Variants in LANCL3 observed in about 807,000 individuals in gnomAD.
LANCL3 encodes the protein lanC-like protein 3.
A neutral mutation model predicts 26.5 loss-of-function variants in LANCL3; 19 were observed. That is an observed-to-expected ratio of 0.72 (90% confidence interval 0.50 to 1.05). The LOEUF (loss-of-function observed/expected upper bound fraction) is 1.05, where lower values mean the gene tolerates loss of function less well. LANCL3 is among the 50% of genes least tolerant of loss of function. The pLI, the probability that LANCL3 is intolerant of heterozygous loss-of-function variation, is 0.00. For synonymous variants in LANCL3, 160 were observed against 166.6 expected, an observed-to-expected ratio of 0.96 and a Z score of 0.30; for missense variants, 318 against 362.7, an observed-to-expected ratio of 0.88 and a Z score of 1.00.
intron 1 of LANCL3, among the ~76,000 whole-genome samples, chrX:37,600,168 TATTG>T (rs1261855349): frequency 8.9e-6 from 1 of 111,999 alleles, no homozygotes; most frequent in Non-Finnish European, 1.9e-5. Context: ...TACAATAAGA[TATTG>T]AGAGAGAGAG....
In LANCL3 at chrX:37,659,457, T is replaced by C. The variant is rs1926362824; in HGVS notation, c.698-5T>C. On this transcript the variant is annotated splice_region_variant and splice_polypyrimidine_tract_variant and intron_variant, in intron 2 of 4. Coordinates refer to ENST00000378619, the MANE Select transcript of LANCL3 (RefSeq NM_001170331.2). ...GTGAATTTTATGCCTTGTTTGTTAA[T>C]ACAGGGGCAGCTCACGGCTTGTCGT... The C allele has an allele frequency of 3.3e-6, 4 of 1,200,785 alleles. No homozygotes were observed. The South Asian group carries it at 5.3e-5, about 16-fold the overall frequency.
intron 1 of LANCL3, among the ~76,000 whole-genome samples, chrX:37,629,372 C>T (rs1250580958): frequency 4.6e-5 from 5 of 108,297 alleles, no homozygotes; most frequent in African/African-American, 1.4e-4. Flanking sequence ...GAGTAGGTTG[C>T]GAAAATTTTC....
chrX:37,643,290 T>C (rs1925912870), intron 1 of LANCL3, among the ~76,000 whole-genome samples: 1 of 112,218 alleles, frequency 8.9e-6, no homozygotes, highest in African/African-American at 3.2e-5. Context: ...CCACAAAAGA[T>C]TTTTTGCCTT....
At chrX:37,666,050 C>A (rs936138907) in intron 3 of LANCL3, among the ~76,000 whole-genome samples, 2 of 112,063 alleles carry the variant, frequency 1.8e-5, no homozygotes, top group Non-Finnish European at 3.8e-5. Context: ...ATTGACTGAA[C>A]AAAGAGCTTG....
At chrX:37,608,016 A>G (rs782649743) in intron 1 of LANCL3, among the ~76,000 whole-genome samples, 1 of 112,264 alleles carries the variant, frequency 8.9e-6, no homozygotes, top group African/African-American at 3.2e-5. Context: ...AAAAAATCTG[A>G]CATGAAAAAA....
chrX:37,633,445 C>T (rs1925598120), intron 1 of LANCL3, among the ~76,000 whole-genome samples: 1 of 112,047 alleles, frequency 8.9e-6, no homozygotes, highest in Non-Finnish European at 1.9e-5. Flanking sequence ...AGTCATTCTC[C>T]ATCCAGCTTT....
At chrX:37,657,535 A>C (rs1450811152) in intron 2 of LANCL3, among the ~76,000 whole-genome samples, 2 of 91,203 alleles carry the variant, frequency 2.2e-5, no homozygotes, top group Non-Finnish European at 4.1e-5. Flanking sequence ...TCAAATTTTT[A>C]TCTTTAATTT....
rs182488331 is a variant in LANCL3, at chrX:37,592,645, C to A, written c.573+20202C>A. Among the ~76,000 whole-genome samples the A allele has an allele frequency of 1.4e-4, 16 of 111,278 alleles. No homozygotes were observed. In the East Asian group the frequency reaches 3.9e-3, roughly 27 times the overall value. On this transcript the variant is annotated intron_variant, in intron 1 of 4. Coordinates refer to ENST00000378619, the MANE Select transcript of LANCL3 (RefSeq NM_001170331.2). ...AAAGATAGCAGAAATAAAAATAATTCAGTGCAAAAATTAGAATATTAAGTT... is the reference window on the plus strand; with the variant it reads ...AAAGATAGCAGAAATAAAAATAATTAAGTGCAAAAATTAGAATATTAAGTT...
intron 1 of LANCL3, among the ~76,000 whole-genome samples, chrX:37,610,526 G>A (rs897449288): frequency 5.4e-5 from 6 of 111,310 alleles, no homozygotes; most frequent in African/African-American, 1.3e-4. Context: ...CCAAAGAGAT[G>A]GCTCAGTGTT....
At chrX:37,675,337 G>A (rs1556436917) in intron 4 of LANCL3, among the ~76,000 whole-genome samples, 1 of 112,143 alleles carries the variant, frequency 8.9e-6, no homozygotes, top group African/African-American at 3.2e-5. Context: ...AATAAAAGTA[G>A]AGCAATTTGT....
chrX:37,667,334 C>A lies in LANCL3; in HGVS notation c.948C>A (p.Tyr316Ter). 1 of 1,175,468 alleles carries A rather than the reference C, an allele frequency of 8.5e-7. No individual in the cohort carries two copies. The highest frequency in any genetic ancestry group is 1.1e-6 in the Non-Finnish European group (1 of 880,455). Residue 316 changes from tyrosine to a stop codon, truncating the protein, a stop_gained, in exon 4 of 5, where the codon TAC (tyrosine) becomes TAA (stop). Coordinates refer to ENST00000378619, the MANE Select transcript of LANCL3 (RefSeq NM_001170331.2). LOFTEE classifies it high-confidence loss of function. The stretch of plus-strand genomic sequence containing the variant: ...ATCTGGTTTCCAAGAAACCGCAGTA[C>A]CTGGACACATGTATTCGGTGTGGGG... ...KAYLVSKKPQ[Y>*]LDTCIRCGEL...
At chrX:37,579,331 G>A (rs1475939643) in intron 1 of LANCL3, among the ~76,000 whole-genome samples, 1 of 111,231 alleles carries the variant, frequency 9.0e-6, no homozygotes, top group Non-Finnish European at 1.9e-5. Context: ...CACCGTATCT[G>A]CCAGGGATAT....
chrX:37,574,244 A>T (rs1187130743), intron 1 of LANCL3, among the ~76,000 whole-genome samples: 9 of 110,520 alleles, frequency 8.1e-5, no homozygotes, highest in Non-Finnish European at 1.7e-4. Context: ...TAGAAGTTTT[A>T]TACCCCATCC....
chrX:37,605,202 T>C (rs1924675071), intron 1 of LANCL3, among the ~76,000 whole-genome samples: 1 of 112,118 alleles, frequency 8.9e-6, no homozygotes, highest in South Asian at 3.8e-4. Flanking sequence ...AAACTGCAGA[T>C]TGAGGCCACA....
At chrX:37,587,573 G>A (rs782112540) in intron 1 of LANCL3, among the ~76,000 whole-genome samples, 26 of 112,990 alleles carry the variant, frequency 2.3e-4, no homozygotes, top group African/African-American at 7.4e-4. Flanking sequence ...TCGAGGCTCC[G>A]TGGGCGTGGG....
At chrX:37,655,879 T>C in intron 2 of LANCL3, 68 bp downstream of exon 2, 1 of 1,051,502 alleles carries the variant, frequency 9.5e-7, no homozygotes, top group South Asian at 2.2e-5. Flanking sequence ...AAATAAAGGC[T>C]GGAAGATTTT....
At chrX:37,585,773 A>G (rs1924056240) in intron 1 of LANCL3, among the ~76,000 whole-genome samples, 1 of 111,808 alleles carries the variant, frequency 8.9e-6, no homozygotes, top group Admixed American at 9.5e-5. Flanking sequence ...GTGTCTTTGA[A>G]TTGGAGCATT....
intron 1 of LANCL3, among the ~76,000 whole-genome samples, chrX:37,625,070 C>T (rs1925278033): frequency 9.0e-6 from 1 of 111,443 alleles, no homozygotes; most frequent in Non-Finnish European, 1.9e-5. Context: ...TTATAGAAGA[C>T]TCTTTGGAGA....
chrX:37,647,101 T>G (rs1022848420), intron 1 of LANCL3, among the ~76,000 whole-genome samples: 4 of 110,974 alleles, frequency 3.6e-5, no homozygotes, highest in Non-Finnish European at 7.6e-5. Flanking sequence ...GATCACGAGG[T>G]CAGGAAATCG....
Sources: gnomAD v4.1 joint callset for allele counts (sites outside exome capture counted in the v4.1 genomes callset) on GRCh38, gnomAD v4.1.1 for gene constraint, MANE v1.5 for transcripts, NCBI Gene and HGNC (gene_info 2026-07-23, HGNC 2026-07-21) for gene names.